KHDRBS3: variants seen among roughly 807,000 people sequenced by gnomAD.
The protein encoded by KHDRBS3 is KH domain-containing, RNA-binding, signal transduction-associated protein 3.
In KHDRBS3, 23 loss-of-function variants were observed where a neutral mutation model predicts 45.6. That is an observed-to-expected ratio of 0.50 (90% confidence interval 0.36 to 0.72). KHDRBS3 has a LOEUF of 0.72. Ranked by LOEUF, KHDRBS3 falls within the 30% of genes least tolerant of loss-of-function variation. The pLI, the probability that KHDRBS3 is intolerant of heterozygous loss-of-function variation, is 0.00. For missense variants in KHDRBS3, 352 were observed against 424.8 expected (o/e 0.83, Z 1.51); for synonymous variants, 162 against 156.5 (o/e 1.04, Z -0.26).
At chr8:135,474,310 A>G (rs1040364424) in intron 1 of KHDRBS3, among the ~76,000 whole-genome samples, 2 of 152,228 alleles carry the variant, frequency 1.3e-5, no homozygotes, top group Admixed American at 6.5e-5. Flanking sequence ...CCAAATCCCA[A>G]TATTCACAAG....
At chr8:135,502,664 C>T (rs546412391) in intron 1 of KHDRBS3, among the ~76,000 whole-genome samples, 6 of 152,264 alleles carry the variant, frequency 3.9e-5, no homozygotes, top group Non-Finnish European at 5.9e-5. Flanking sequence ...TTGAGCTCAG[C>T]GATGCCTGTC....
intron 5 of KHDRBS3, among the ~76,000 whole-genome samples, chr8:135,559,520 T>A (rs1827065462): frequency 6.6e-6 from 1 of 151,614 alleles, no homozygotes; most frequent in South Asian, 2.1e-4. Flanking sequence ...ACCTGGTTAA[T>A]TTTTTTGTGT....
chr8:135,629,608 T>C (rs537006346), intron 7 of KHDRBS3, among the ~76,000 whole-genome samples: 1 of 152,316 alleles, frequency 6.6e-6, no homozygotes, highest in African/African-American at 2.4e-5. Flanking sequence ...TACTGCATGC[T>C]AGGTCTCCAT....
chr8:135,489,219 A>G (rs1445137788), intron 1 of KHDRBS3, among the ~76,000 whole-genome samples: 1 of 152,086 alleles, frequency 6.6e-6, no homozygotes, highest in Non-Finnish European at 1.5e-5. Flanking sequence ...CTAGACTCTA[A>G]ACCCCAAGAG....
chr8:135,462,149 A>G (rs1443441282), intron 1 of KHDRBS3, among the ~76,000 whole-genome samples: 1 of 152,050 alleles, frequency 6.6e-6, no homozygotes, highest in East Asian at 1.9e-4. Flanking sequence ...TGGTGCCTTC[A>G]TGCTATAGTT....
chr8:135,553,514 A>G (rs1421089938), intron 4 of KHDRBS3, among the ~76,000 whole-genome samples: 1 of 152,158 alleles, frequency 6.6e-6, no homozygotes, highest in Non-Finnish European at 1.5e-5. Flanking sequence ...TATTATATGC[A>G]TGTTCCAGAG....
At chr8:135,629,740 T>C (rs966688784) in intron 7 of KHDRBS3, among the ~76,000 whole-genome samples, 1 of 152,208 alleles carries the variant, frequency 6.6e-6, no homozygotes, top group Admixed American at 6.5e-5. Context: ...AAAGAAATAC[T>C]GAAGTTATTG....
chr8:135,495,357 T>C (rs1447864742), intron 1 of KHDRBS3, among the ~76,000 whole-genome samples: 2 of 152,230 alleles, frequency 1.3e-5, no homozygotes, highest in African/African-American at 4.8e-5. Flanking sequence ...TGGGGCAAGC[T>C]ATGTTCTCTT....
chr8:135,501,197 A>G (rs1823718132), intron 1 of KHDRBS3, among the ~76,000 whole-genome samples: 1 of 152,224 alleles, frequency 6.6e-6, no homozygotes, highest in Non-Finnish European at 1.5e-5. Context: ...TTTAACTTAT[A>G]AAACAAACAG....
At chr8:135,507,218 G>T (rs988119541) in intron 1 of KHDRBS3, among the ~76,000 whole-genome samples, 41 of 152,120 alleles carry the variant, frequency 2.7e-4, no homozygotes, top group African/African-American at 9.7e-4. Context: ...ATCTTAGCTA[G>T]TCATGTGTAA....
intron 4 of KHDRBS3, among the ~76,000 whole-genome samples, chr8:135,654,581 G>A (rs1460237776): frequency 2.0e-5 from 3 of 152,338 alleles, no homozygotes; most frequent in South Asian, 2.1e-4. Context: ...GATGCAGGGC[G>A]TGCTGGGTCC....
intron 7 of KHDRBS3, among the ~76,000 whole-genome samples, chr8:135,633,172 A>G (rs1437807607): frequency 6.6e-6 from 1 of 152,184 alleles, no homozygotes; most frequent in Non-Finnish European, 1.5e-5. Flanking sequence ...TTTATTAAAT[A>G]TGTTTTAAAT....
At chr8:135,515,835 A>G (rs1340099401) in intron 1 of KHDRBS3, among the ~76,000 whole-genome samples, 1 of 152,226 alleles carries the variant, frequency 6.6e-6, no homozygotes, top group Non-Finnish European at 1.5e-5. Flanking sequence ...AAAAAGAGAT[A>G]CAGTGAAAAG....
chr8:135,557,846 A>C (rs565474341), intron 5 of KHDRBS3, among the ~76,000 whole-genome samples: 1 of 152,268 alleles, frequency 6.6e-6, no homozygotes. Flanking sequence ...AATCATAATC[A>C]TAACTTTTTT....
intron 5 of KHDRBS3, among the ~76,000 whole-genome samples, chr8:135,580,904 C>T (rs986421618): frequency 5.9e-5 from 9 of 152,328 alleles, no homozygotes; most frequent in Admixed American, 3.9e-4. Flanking sequence ...TGAGCCGTCA[C>T]ACCCGGCCAA....
At chr8:135,606,918 C>A (rs939979665) in intron 6 of KHDRBS3, 37 bp from the exon 7 acceptor site, 1 of 1,506,490 alleles carries the variant, frequency 6.6e-7, no homozygotes, top group Non-Finnish European at 9.2e-7. Flanking sequence ...TTAGAAACTT[C>A]TCTGAATGTT....
intron 1 of KHDRBS3, among the ~76,000 whole-genome samples, chr8:135,481,276 T>A (rs1447263300): frequency 6.9e-6 from 1 of 143,902 alleles, no homozygotes; most frequent in Non-Finnish European, 1.5e-5. Context: ...CTGTGTACTT[T>A]TTTTTTTTTT....
intron 8 of KHDRBS3, among the ~76,000 whole-genome samples, chr8:135,645,714 C>T (rs1831254303): frequency 2.0e-5 from 3 of 152,178 alleles, no homozygotes; most frequent in South Asian, 2.1e-4. Context: ...CTATGCAGAA[C>T]GATGACAGGT....
chr8:135,540,816 A>G (rs1826010856), intron 2 of KHDRBS3: 2 of 152,254 alleles, frequency 1.3e-5, no homozygotes, highest in African/African-American at 4.8e-5. Flanking sequence ...GCCAAGTCCC[A>G]TGTATGAAAA....
Sources: allele counts gnomAD v4.1 joint callset (sites outside exome capture counted in the v4.1 genomes callset), GRCh38; gene constraint gnomAD v4.1.1; transcripts MANE v1.5; gene names NCBI Gene and HGNC (gene_info 2026-07-23, HGNC 2026-07-21).